Variants in USP45 observed in about 807,000 individuals in gnomAD.
USP45 encodes ubiquitin specific peptidase 45, also known as ubiquitin carboxyl-terminal hydrolase 45.
USP45 carries 89 observed loss-of-function variants against 95.8 expected under a neutral mutation model. That is an observed-to-expected ratio of 0.93 (90% CI 0.78 to 1.11). The LOEUF (loss-of-function observed/expected upper bound fraction) is 1.11, where lower values mean the gene tolerates loss of function less well. USP45 is among the 50% of genes least tolerant of loss of function. The pLI is 0.00. For missense variants in USP45, 898 were observed against 942.5 expected, an observed-to-expected ratio of 0.95 and a Z score of 0.62; for synonymous variants, 281 against 316.2, an observed-to-expected ratio of 0.89 and a Z score of 1.18.
intron 13 of USP45, among the ~76,000 whole-genome samples, chr6:99,446,689 G>T (rs1337563655): frequency 6.6e-6 from 1 of 152,148 alleles, no homozygotes. Context: ...GCTATTTGTG[G>T]GGAAGGAAAT....
At chr6:99,506,994 T>C (rs1181460438) in intron 4 of USP45, among the ~76,000 whole-genome samples, 6 of 152,216 alleles carry the variant, frequency 3.9e-5, no homozygotes, top group South Asian at 2.1e-4. Context: ...TTGCCTGAGC[T>C]CAGGAGTTCA....
chr6:99,511,534 A>G (rs9402856), intron 1 of USP45, among the ~76,000 whole-genome samples: 129,247 of 151,602 alleles, frequency 0.85, 55,809 homozygotes, highest in East Asian at 1. Context: ...CTGCAGCCTC[A>G]ACCTCCCCAG....
At chr6:99,477,468 G>A (rs947148722) in intron 8 of USP45, among the ~76,000 whole-genome samples, 2 of 151,868 alleles carry the variant, frequency 1.3e-5, no homozygotes, top group African/African-American at 4.8e-5. Context: ...ACCTGCCATC[G>A]TGCCCGGCTA....
chr6:99,514,794 T>C (rs1800761573), intron 1 of USP45: 1 of 152,220 alleles, frequency 6.6e-6, no homozygotes, highest in Non-Finnish European at 1.5e-5. Context: ...GGTTTTGCTG[T>C]GTATCACGCT....
chr6:99,508,535 C>T (rs371614149), intron 3 of USP45, 75 bp downstream of exon 3: 1 of 1,408,172 alleles, frequency 7.1e-7, no homozygotes, highest in Non-Finnish European at 9.5e-7. Flanking sequence ...TATGCATGAC[C>T]AACAGTCCAA....
chr6:99,455,819 T>TA (rs35285232), intron 13 of USP45, among the ~76,000 whole-genome samples: 10,740 of 44,470 alleles, frequency 0.24, 1,863 homozygotes, highest in East Asian at 0.39. Flanking sequence ...ATGTGAGAGC[T>TA]AAAAAAAAAA....
At chr6:99,445,307 AC>A (rs1782295436) in intron 14 of USP45, among the ~76,000 whole-genome samples, 1 of 151,952 alleles carries the variant, frequency 6.6e-6, no homozygotes, top group Non-Finnish European at 1.5e-5. Context: ...AGATGGTGAA[AC>A]CCCATCTCTA....
chr6:99,500,163 C>T (rs142104668), intron 5 of USP45, among the ~76,000 whole-genome samples: 2,872 of 152,248 alleles, frequency 0.019, 82 homozygotes, highest in African/African-American at 0.066. Flanking sequence ...CTCACTCTGT[C>T]GCCCAGGCTG....
intron 5 of USP45, chr6:99,502,002 G>A (rs1331262845): frequency 7.7e-7 from 1 of 1,300,228 alleles, no homozygotes; most frequent in African/African-American, 1.5e-5. Flanking sequence ...TCAGGATGGG[G>A]CCTGGCCCTG....
chr6:99,459,045 C>CT (rs1431054956), intron 13 of USP45, among the ~76,000 whole-genome samples: 1 of 152,142 alleles, frequency 6.6e-6, no homozygotes, highest in Non-Finnish European at 1.5e-5. Flanking sequence ...TAAAGGTAAA[C>CT]TTGTGTCACA....
At position 99,443,597 on chromosome 6, in the gene USP45, C is replaced by G. The variant is rs372043029; in HGVS notation, c.2041G>C (p.Val681Leu). The change falls in exon 15 of 18, where the codon GTC (valine) becomes CTC (leucine). Residue 681 changes from valine to leucine, a missense_variant. By Grantham distance (32) the Val-to-Leu change is conservative. Coordinates refer to ENST00000500704, the MANE Select transcript of USP45 (RefSeq NM_001346022.3). ...KQLLISAVPA[V>L]LILHLKRFHQ... ...AATCTTTTCAGGTGGAGAATTAGGA[C>G]AGCTGGAACAGCAGAAATGAGCAAT... is the stretch of plus-strand genomic sequence containing the variant. 2.5e-6 allele frequency: 4 copies of G among 1,609,022 alleles called. No homozygotes were observed. The highest frequency in any genetic ancestry group is 2.5e-6 in the Non-Finnish European group (3 of 1,177,180).
At chr6:99,447,585 G>GGCCT in intron 13 of USP45, among the ~76,000 whole-genome samples, 1 of 152,306 alleles carries the variant, frequency 6.6e-6, no homozygotes, top group Middle Eastern at 3.4e-3. Context: ...AGCTCAAGGA[G>GGCCT]GCCTGCCTGC....
intron 9 of USP45, among the ~76,000 whole-genome samples, chr6:99,473,612 T>C (rs1790007238): frequency 6.7e-6 from 1 of 150,306 alleles, no homozygotes; most frequent in East Asian, 2.0e-4. Flanking sequence ...AAAAATTAGC[T>C]GGGAATGGTG....
rs1780043846 is a variant in USP45 at position 99,433,693 on chromosome 6, G to T, written c.*2023C>A. 2.6e-5 allele frequency: 4 copies of T among 152,110 alleles called. No homozygotes were observed. The highest frequency in any genetic ancestry group is 2.0e-4 in the Admixed American group (3 of 15,276). The allele number at this position is 152,110 out of a possible 1,614,324, so 9.4% of individuals were successfully genotyped here. On this transcript the variant is annotated 3_prime_UTR_variant, in exon 18 of 18. Transcript: ENST00000500704. ...AATATCTTACTTGCATGTTACTTCTGGAATAATGTCAAAAATCTATGTAGA... is the reference window on the plus strand; with the variant it reads ...AATATCTTACTTGCATGTTACTTCTTGAATAATGTCAAAAATCTATGTAGA...
At chr6:99,498,477 C>A (rs1796757153) in intron 5 of USP45, among the ~76,000 whole-genome samples, 1 of 152,126 alleles carries the variant, frequency 6.6e-6, no homozygotes, top group African/African-American at 2.4e-5. Context: ...TTATTAGATT[C>A]TAAAGTGTGC....
intron 7 of USP45, among the ~76,000 whole-genome samples, chr6:99,486,876 A>G (rs1178601523): frequency 6.6e-6 from 1 of 151,940 alleles, no homozygotes; most frequent in African/African-American, 2.4e-5. Flanking sequence ...TCAATTTCTC[A>G]CTAAAATTAT....
Position 99,482,744 on chromosome 6 carries a change from T to C in USP45, c.845+9A>G. Reference sequence around the variant, plus strand: ...CATAATTATTTATATTAAATGTAGATGCACCCACTTCTGACAAAGCTGATT... The same window carrying C: ...CATAATTATTTATATTAAATGTAGACGCACCCACTTCTGACAAAGCTGATT... On this transcript the variant is annotated intron_variant, in intron 8 of 17. Coordinates refer to ENST00000500704, the MANE Select transcript of USP45 (RefSeq NM_001346022.3). The C allele has an allele frequency of 6.3e-7, 1 of 1,590,682 alleles. No homozygotes were observed. The highest frequency in any genetic ancestry group is 8.5e-7 in the Non-Finnish European group (1 of 1,170,790).
At chr6:99,500,457 C>T (rs886587951) in intron 5 of USP45, among the ~76,000 whole-genome samples, 2 of 152,106 alleles carry the variant, frequency 1.3e-5, no homozygotes, top group African/African-American at 4.8e-5. Flanking sequence ...ACCGTCCATG[C>T]TCCCTTCCTA....
intron 13 of USP45, among the ~76,000 whole-genome samples, chr6:99,453,767 T>C (rs1784424435): frequency 6.6e-6 from 1 of 152,170 alleles, no homozygotes; most frequent in South Asian, 2.1e-4. Context: ...GAGACCAGTC[T>C]GGCCAGCACG....
Sources: gnomAD v4.1 joint callset for allele counts (sites outside exome capture counted in the v4.1 genomes callset) on GRCh38, gnomAD v4.1.1 for gene constraint, MANE v1.5 for transcripts, NCBI Gene and HGNC (gene_info 2026-07-23, HGNC 2026-07-21) for gene names.